COL21A1: variants seen among roughly 807,000 people sequenced by gnomAD.
The protein encoded by COL21A1 is collagen alpha-1(XXI) chain.
Under a neutral mutation model 137.9 loss-of-function variants are expected in COL21A1, and 149 were observed. That is an observed-to-expected ratio of 1.08 (90% confidence interval 0.95 to 1.24). The LOEUF (loss-of-function observed/expected upper bound fraction) is 1.24. COL21A1 is among the 50% of genes most tolerant of loss of function. COL21A1 has a pLI of 0.00. For missense variants in COL21A1, 1,167 were observed against 1,158.4 expected (o/e 1.01, Z -0.11); for synonymous variants, 456 against 391.5 (o/e 1.16, Z -1.95).
intron 1 of COL21A1, among the ~76,000 whole-genome samples, chr6:56,282,379 T>C (rs978083975): frequency 1.3e-5 from 2 of 151,998 alleles, no homozygotes; most frequent in Non-Finnish European, 2.9e-5. Context: ...TTTTTCATAA[T>C]AACAAAAAAT....
intron 3 of COL21A1, among the ~76,000 whole-genome samples, chr6:56,178,045 G>A (rs1419527293): frequency 1.3e-5 from 2 of 152,056 alleles, no homozygotes; most frequent in African/African-American, 4.8e-5. Context: ...ACTCTTTCAT[G>A]TGTAGTTAGA....
intron 1 of COL21A1, among the ~76,000 whole-genome samples, chr6:56,351,055 T>A (rs1380137864): frequency 6.6e-6 from 1 of 152,268 alleles, no homozygotes; most frequent in Non-Finnish European, 1.5e-5. Flanking sequence ...GTGCCCGGCC[T>A]TCTGCCATGC....
At chr6:56,137,508 A>G (rs1192811197) in intron 12 of COL21A1, among the ~76,000 whole-genome samples, 1 of 152,160 alleles carries the variant, frequency 6.6e-6, no homozygotes, top group East Asian at 1.9e-4. Context: ...TCTCTAACAC[A>G]GTGATGGGGA....
At chr6:56,142,310 G>C (rs1002413451) in intron 10 of COL21A1, among the ~76,000 whole-genome samples, 11 of 152,164 alleles carry the variant, frequency 7.2e-5, no homozygotes, top group African/African-American at 2.4e-4. Context: ...ATATCCAAGA[G>C]AGAAACACTT....
intron 1 of COL21A1, among the ~76,000 whole-genome samples, chr6:56,206,702 ATAT>A: frequency 1.5e-4 from 2 of 13,030 alleles, no homozygotes; most frequent in East Asian, 0.013. Context: ...AAATAAATAT[ATAT>A]ATATATATAT....
chr6:56,330,946 A>C (rs1328465170), intron 1 of COL21A1, among the ~76,000 whole-genome samples: 1 of 151,890 alleles, frequency 6.6e-6, no homozygotes, highest in Non-Finnish European at 1.5e-5. Flanking sequence ...CCTTTTCTCC[A>C]TGCCAACATC....
chr6:56,116,314 G>T (rs1430081008), intron 16 of COL21A1, among the ~76,000 whole-genome samples: 3 of 146,210 alleles, frequency 2.1e-5, no homozygotes, highest in South Asian at 2.2e-4. Context: ...GCTCCAATAT[G>T]TCTGGTAGCA....
intron 17 of COL21A1, among the ~76,000 whole-genome samples, chr6:56,082,904 T>A (rs2114160996): frequency 6.6e-6 from 1 of 152,034 alleles, no homozygotes; most frequent in African/African-American, 2.4e-5. Flanking sequence ...CATCTAAATC[T>A]CTATACTAGT....
At chr6:56,299,760 A>G (rs1444453648) in intron 1 of COL21A1, among the ~76,000 whole-genome samples, 1 of 152,024 alleles carries the variant, frequency 6.6e-6, no homozygotes, top group African/African-American at 2.4e-5. Context: ...AATATTCCCT[A>G]ATCCCAGAAG....
intron 9 of COL21A1, among the ~76,000 whole-genome samples, chr6:56,159,014 T>A (rs2152261582): frequency 6.6e-6 from 1 of 152,286 alleles, no homozygotes; most frequent in East Asian, 1.9e-4. Flanking sequence ...TTCTCTCTTG[T>A]TTTGAGAAGG....
chr6:56,088,689 T>C (rs1582298392), intron 17 of COL21A1, among the ~76,000 whole-genome samples: 2 of 152,292 alleles, frequency 1.3e-5, no homozygotes, highest in South Asian at 4.1e-4. Context: ...TTGGGAGCAC[T>C]TCCAAAATCA....
intron 1 of COL21A1, among the ~76,000 whole-genome samples, chr6:56,264,918 T>A (rs1763361280): frequency 6.6e-6 from 1 of 152,198 alleles, no homozygotes; most frequent in African/African-American, 2.4e-5. Flanking sequence ...TCATAGTTCT[T>A]GATGAAGGGC....
At chr6:56,086,126 C>T (rs1029491081) in intron 17 of COL21A1, among the ~76,000 whole-genome samples, 2 of 151,812 alleles carry the variant, frequency 1.3e-5, no homozygotes, top group African/African-American at 4.8e-5. Context: ...CATTTTATGC[C>T]TCTGCTTAAA....
intron 1 of COL21A1, among the ~76,000 whole-genome samples, chr6:56,193,880 G>A (rs573700549): frequency 2.6e-5 from 4 of 151,850 alleles, no homozygotes; most frequent in South Asian, 2.1e-4. Context: ...TCAGCCTCCC[G>A]ATTAGCTGGG....
intron 12 of COL21A1, among the ~76,000 whole-genome samples, chr6:56,128,004 C>T (rs1319350411): frequency 6.6e-6 from 1 of 152,258 alleles, no homozygotes; most frequent in Non-Finnish European, 1.5e-5. Context: ...GTCACATAAA[C>T]AGGCTCCTCT....
chr6:56,189,945 G>T (rs574294660), intron 1 of COL21A1, among the ~76,000 whole-genome samples: 5 of 152,198 alleles, frequency 3.3e-5, no homozygotes, highest in African/African-American at 4.8e-5. Flanking sequence ...CACCAGGTCT[G>T]CCTTACAAGA....
chr6:56,234,195 T>A (rs78588398), intron 1 of COL21A1, among the ~76,000 whole-genome samples: 2 of 151,582 alleles, frequency 1.3e-5, no homozygotes, highest in South Asian at 2.1e-4. Flanking sequence ...TCCAGAAAAA[T>A]TTGAAATTGT....
chr6:56,349,523 A>T (rs1165827306), intron 1 of COL21A1, among the ~76,000 whole-genome samples: 1 of 152,204 alleles, frequency 6.6e-6, no homozygotes, highest in Non-Finnish European at 1.5e-5. Context: ...CAAAGTGGCA[A>T]TAGGTATATC....
chr6:56,186,391 C>T (rs1177178438), intron 1 of COL21A1, among the ~76,000 whole-genome samples: 1 of 152,186 alleles, frequency 6.6e-6, no homozygotes, highest in East Asian at 1.9e-4. Flanking sequence ...CGACATACAA[C>T]ATCACATTGA....
Sources: allele counts gnomAD v4.1 joint callset (sites outside exome capture counted in the v4.1 genomes callset), GRCh38; gene constraint gnomAD v4.1.1; transcripts MANE v1.5; gene names NCBI Gene and HGNC (gene_info 2026-07-23, HGNC 2026-07-21).